The following MYLK4 variants were observed in gnomAD, a reference collection of about 807,000 sequenced individuals.
MYLK4 encodes the protein myosin light chain kinase family member 4, also known as caMLCK like.
Under a neutral mutation model 48.1 loss-of-function variants are expected in MYLK4, and 46 were observed. The ratio of observed to expected loss-of-function variants is 0.96; its 90% CI spans 0.75 to 1.22. The LOEUF is 1.22. Ranked by LOEUF, MYLK4 falls within the 50% of genes most tolerant of loss-of-function variation. The pLI is 0.00. For synonymous variants in MYLK4, 170 were observed against 180.8 expected (o/e 0.94, Z 0.48); for missense variants, 451 against 486.1 (o/e 0.93, Z 0.68).
chr6:2,734,993 A>G (rs1763619203), intron 2 of MYLK4, among the ~76,000 whole-genome samples: 1 of 152,204 alleles, frequency 6.6e-6, no homozygotes, highest in South Asian at 2.1e-4. Flanking sequence ...CCAGCTTGTG[A>G]TGATGTTTGC....
chr6:2,717,417 C>T (rs9503273), intron 2 of MYLK4, among the ~76,000 whole-genome samples: 27,523 of 152,180 alleles, frequency 0.18, 2,560 homozygotes, highest in Admixed American at 0.22. Flanking sequence ...TCACACCTCT[C>T]GAAATCCAAT....
chr6:2,761,107 G>A, the MYLK4 span, among the ~76,000 whole-genome samples: 3 of 152,150 alleles, frequency 2.0e-5, no homozygotes, highest in Non-Finnish European at 4.4e-5. Flanking sequence ...TAAAATACCT[G>A]CTCATAGGCA....
In MYLK4 at chr6:2,749,402, C is replaced by G. The variant is rs929694839; in HGVS notation, c.-108G>C. On this transcript the variant is annotated 5_prime_UTR_variant, in exon 2 of 13. Transcript: ENST00000274643. ...TTATGACTCTTCAGTGCTTCTTTCT[C>G]TTGACTGCAAAGAAAGGAAACACAA... is the stretch of plus-strand genomic sequence containing the variant. 19 of 809,064 alleles carry G rather than the reference C, an allele frequency of 2.3e-5. No individual in the cohort carries two copies. Among genetic ancestry groups the G allele is most frequent in the Non-Finnish European group, 3.6e-5 (19 of 526,032 alleles). 50.1% of individuals were successfully genotyped at this position (809,064 alleles called of 1,614,324 possible).
intron 12 of MYLK4, among the ~76,000 whole-genome samples, chr6:2,669,430 C>T (rs1760794257): frequency 6.6e-6 from 1 of 152,250 alleles, no homozygotes; most frequent in Admixed American, 6.5e-5. Flanking sequence ...CCTCCTCATT[C>T]CTCCCCCACC....
chr6:2,740,767 A>G (rs952775989), intron 2 of MYLK4, among the ~76,000 whole-genome samples: 2 of 152,202 alleles, frequency 1.3e-5, no homozygotes, highest in African/African-American at 4.8e-5. Flanking sequence ...CATTTTCTAT[A>G]CTAAACGCTG....
chr6:2,702,070 T>G (rs1376258272), intron 2 of MYLK4, among the ~76,000 whole-genome samples: 1 of 152,204 alleles, frequency 6.6e-6, no homozygotes, highest in East Asian at 1.9e-4. Flanking sequence ...CCGCTGGCCT[T>G]GCTGGCAGCA....
In MYLK4 at chr6:2,699,287, CTTTTTT is replaced by C. The variant is rs56959282; in HGVS notation, c.160-6434_160-6429del. Reference sequence around the variant, plus strand: ...CATGCTACCACTTTTCTTTTCTTTTCTTTTTTTTTTTTTTTTTTTTTTGATATGGAG... The same window carrying C: ...CATGCTACCACTTTTCTTTTCTTTTCTTTTTTTTTTTTTTTTGATATGGAG... On this transcript the variant is annotated intron_variant, in intron 2 of 12. Transcript: ENST00000274643. Among the ~76,000 whole-genome samples the C allele has an allele frequency of 5.1e-4, 40 of 77,898 alleles. 1 individual carries two copies. Among genetic ancestry groups the C allele is most frequent in the African/African-American group, 1.3e-3 (24 of 18,206 alleles). The allele number at this position is 77,898 out of a possible 152,430, so 51.1% of individuals were successfully genotyped here.
Position 2,678,280 on chromosome 6 carries a change from A to T in MYLK4, c.980T>A (p.Phe327Tyr). The T allele has an allele frequency of 6.2e-7, 1 of 1,614,118 alleles. No homozygotes were observed. Among genetic ancestry groups the T allele is most frequent in the South Asian group, 1.1e-5 (1 of 91,068 alleles). ...ACRWDLEDEEFQDISEEAKEF... is the reference protein window; with the variant it reads ...ACRWDLEDEEYQDISEEAKEF... Reference sequence around the variant, plus strand: ...CTTGGCCTCCTCCGAGATGTCCTGAAATTCTTCATCCTCTAAGTCCCACCT... The same window carrying T: ...CTTGGCCTCCTCCGAGATGTCCTGATATTCTTCATCCTCTAAGTCCCACCT... The change falls in exon 10 of 13, where the codon TTT becomes TAT. Residue 327 changes from phenylalanine to tyrosine, a missense_variant. Phe to Tyr is a conservative substitution (Grantham distance 22, BLOSUM62 3). Transcript: ENST00000274643.
At chr6:2,769,005 A>AC in the MYLK4 span, 1 of 925,940 alleles carries the variant, frequency 1.1e-6, no homozygotes, top group Non-Finnish European at 1.6e-6. Context: ...AGGCTTGTGA[A>AC]CCCATCTCCT....
chr6:2,766,064 G>T, the MYLK4 span: 1 of 1,294,428 alleles, frequency 7.7e-7, no homozygotes, highest in Non-Finnish European at 9.8e-7. Flanking sequence ...GGCCGCCGCC[G>T]CGGCGGGGAG....
the MYLK4 span, among the ~76,000 whole-genome samples, chr6:2,767,778 A>C: frequency 8.5e-5 from 13 of 152,192 alleles, no homozygotes; most frequent in African/African-American, 3.1e-4. Context: ...ACCAAATGCC[A>C]GGCAAGAGGT....
intron 2 of MYLK4, among the ~76,000 whole-genome samples, chr6:2,703,150 G>A (rs557073415): frequency 6.6e-6 from 1 of 152,242 alleles, no homozygotes; most frequent in African/African-American, 2.4e-5. Flanking sequence ...ATCTAGCATG[G>A]AGGGGGCCCC....
chr6:2,707,276 A>G (rs1359788684), intron 2 of MYLK4, among the ~76,000 whole-genome samples: 1 of 152,218 alleles, frequency 6.6e-6, no homozygotes, highest in African/African-American at 2.4e-5. Flanking sequence ...ATGTATTAAA[A>G]TTTAGTCCAC....
chr6:2,679,454 A>T, intron 8 of MYLK4, 46 bp from the exon 9 acceptor site: 1 of 1,610,592 alleles, frequency 6.2e-7, no homozygotes. Flanking sequence ...GTCGATCAAA[A>T]ATCGTGAACA....
chr6:2,699,282 CTTTTCTTTTTT>C (rs1202134081), intron 2 of MYLK4, among the ~76,000 whole-genome samples: 1 of 63,584 alleles, frequency 1.6e-5, no homozygotes, highest in African/African-American at 6.1e-5. Flanking sequence ...CTTTTCTTTT[CTTTTCTTTTTT>C]TTTTTTTTTT....
chr6:2,687,837 G>T (rs934686949), intron 4 of MYLK4, among the ~76,000 whole-genome samples: 4 of 152,142 alleles, frequency 2.6e-5, no homozygotes, highest in African/African-American at 9.7e-5. Flanking sequence ...TCCTTGTGTT[G>T]GTGAGTACAT....
At chr6:2,725,996 G>A (rs1369130968) in intron 2 of MYLK4, among the ~76,000 whole-genome samples, 2 of 152,206 alleles carry the variant, frequency 1.3e-5, no homozygotes, top group Non-Finnish European at 2.9e-5. Flanking sequence ...AACAAGGTGA[G>A]TAAGATAACC....
intron 2 of MYLK4, among the ~76,000 whole-genome samples, chr6:2,734,436 C>T (rs183961779): frequency 6.6e-6 from 1 of 152,252 alleles, no homozygotes; most frequent in Admixed American, 6.5e-5. Flanking sequence ...GTCCTCTCAC[C>T]CGGGCTTATC....
chr6:2,710,542 T>C lies in MYLK4; in HGVS notation c.160-17683A>G, dbSNP rs11966573. Among the ~76,000 whole-genome samples the C allele has an allele frequency of 1.9e-3, 294 of 152,314 alleles. 4 individuals are homozygous for C. Among genetic ancestry groups the C allele is most frequent in the African/African-American group, 6.9e-3 (287 of 41,572 alleles). ...TGCTTAAACAACTACCTCCTTTCTG[T>C]TGACCAGCTCTGCTTCCTTACCCCT... On this transcript the variant is annotated intron_variant, in intron 2 of 12. Coordinates refer to ENST00000274643, the MANE Select transcript of MYLK4 (RefSeq NM_001012418.5).
Sources: allele counts gnomAD v4.1 joint callset (sites outside exome capture counted in the v4.1 genomes callset), GRCh38; gene constraint gnomAD v4.1.1; transcripts MANE v1.5; gene names NCBI Gene and HGNC (gene_info 2026-07-23, HGNC 2026-07-21).